The following MED27 variants were observed in gnomAD, a reference collection of about 807,000 sequenced individuals.
MED27 encodes the protein mediator of RNA polymerase II transcription subunit 27.
Under a neutral mutation model 38.2 loss-of-function variants are expected in MED27, and 30 were observed. That is an observed-to-expected ratio of 0.79 (90% CI 0.59 to 1.07). The LOEUF (loss-of-function observed/expected upper bound fraction) is 1.07. MED27 is among the 50% of genes least tolerant of loss of function. The pLI, the probability that MED27 is intolerant of heterozygous loss-of-function variation, is 0.00. For missense variants in MED27, 289 were observed against 397.5 expected, an observed-to-expected ratio of 0.73 and a Z score of 2.32; for synonymous variants, 122 against 153.5, an observed-to-expected ratio of 0.79 and a Z score of 1.52.
intron 4 of MED27, among the ~76,000 whole-genome samples, chr9:131,926,059 TCCC>T (rs1179223985): frequency 6.6e-6 from 1 of 152,216 alleles, no homozygotes; most frequent in Non-Finnish European, 1.5e-5. Context: ...TGTCAACTTC[TCCC>T]TTTCTTCCCC....
intron 2 of MED27, among the ~76,000 whole-genome samples, chr9:132,026,472 G>A (rs553639002): frequency 8.2e-4 from 125 of 152,266 alleles, no homozygotes; most frequent in Admixed American, 1.8e-3. Flanking sequence ...GGGTTTTTGT[G>A]TATCTACCTT....
At chr9:131,933,158 T>C (rs1232675155) in intron 4 of MED27, among the ~76,000 whole-genome samples, 1 of 152,172 alleles carries the variant, frequency 6.6e-6, no homozygotes, top group African/African-American at 2.4e-5. Flanking sequence ...ACAGTTAGCA[T>C]CATACTGAAT....
At chr9:131,985,527 A>G (rs1564312554) in intron 3 of MED27, among the ~76,000 whole-genome samples, 1 of 152,232 alleles carries the variant, frequency 6.6e-6, no homozygotes, top group African/African-American at 2.4e-5. Flanking sequence ...GTAAAGTCAC[A>G]GCACAACACA....
At chr9:131,951,091 A>G (rs1830986522) in intron 3 of MED27, among the ~76,000 whole-genome samples, 1 of 152,128 alleles carries the variant, frequency 6.6e-6, no homozygotes, top group Non-Finnish European at 1.5e-5. Flanking sequence ...ACAAAAACAG[A>G]CCTTCCTGGG....
intron 6 of MED27, among the ~76,000 whole-genome samples, chr9:131,878,720 A>C (rs1838981925): frequency 6.6e-6 from 1 of 152,230 alleles, no homozygotes; most frequent in Non-Finnish European, 1.5e-5. Flanking sequence ...GGGGTTAAAG[A>C]ACAAAACAGT....
intron 3 of MED27, among the ~76,000 whole-genome samples, chr9:131,989,433 T>C (rs900643354): frequency 1.3e-5 from 2 of 152,342 alleles, no homozygotes; most frequent in Non-Finnish European, 2.9e-5. Context: ...CTGTGGCTGC[T>C]GGACAGGGTC....
At chr9:131,927,229 C>T (rs936990139) in intron 4 of MED27, among the ~76,000 whole-genome samples, 1 of 152,140 alleles carries the variant, frequency 6.6e-6, no homozygotes, top group Non-Finnish European at 1.5e-5. Context: ...GCAGACAGCA[C>T]CACAATGTAT....
At chr9:131,974,572 C>G (rs1319526914) in intron 3 of MED27, among the ~76,000 whole-genome samples, 1 of 152,206 alleles carries the variant, frequency 6.6e-6, no homozygotes, top group Non-Finnish European at 1.5e-5. Context: ...TAAGGAAACT[C>G]AGGCCCGGAG....
intron 5 of MED27, 104 bp downstream of exon 5, chr9:131,893,781 T>C: frequency 2.6e-6 from 2 of 767,328 alleles, no homozygotes; most frequent in Non-Finnish European, 4.5e-6. Flanking sequence ...TGCTGATCAT[T>C]TCCGCTATGA....
At chr9:132,002,189 C>G (rs1434963685) in intron 3 of MED27, among the ~76,000 whole-genome samples, 3 of 152,180 alleles carry the variant, frequency 2.0e-5, no homozygotes, top group African/African-American at 7.2e-5. Context: ...ACCTTTAGTA[C>G]CCATCCCCCT....
rs926891542 is a variant in MED27 at position 132,029,654 on chromosome 9, C to A, written c.349-15187G>T. ...TTATGATATTTAATAAGAAGGGCCT[C>A]GGTGAAGCAAGGTTACAAAATAGGG... On this transcript the variant is annotated intron_variant, in intron 2 of 7. Transcript: ENST00000292035. Among the ~76,000 whole-genome samples the A allele has an allele frequency of 3.3e-5, 5 of 151,898 alleles. No homozygotes were observed. In the East Asian group the frequency reaches 9.6e-4, roughly 29 times the overall value.
intron 2 of MED27, among the ~76,000 whole-genome samples, chr9:132,067,866 T>C (rs1333765071): frequency 2.0e-5 from 3 of 152,158 alleles, no homozygotes; most frequent in African/African-American, 7.2e-5. Flanking sequence ...CACCCGCCAC[T>C]ATGCTTGGCT....
At chr9:131,919,932 C>T (rs1368773566) in intron 4 of MED27, among the ~76,000 whole-genome samples, 1 of 151,830 alleles carries the variant, frequency 6.6e-6, no homozygotes, top group Non-Finnish European at 1.5e-5. Context: ...TCTTAGCCTC[C>T]CGAGTAGCTG....
chr9:131,957,148 C>T (rs760935341), intron 3 of MED27, among the ~76,000 whole-genome samples: 50 of 152,190 alleles, frequency 3.3e-4, no homozygotes, highest in Non-Finnish European at 2.5e-4. Flanking sequence ...GGTAAATATA[C>T]ACATACAACA....
chr9:132,078,743 C>T (rs1834110697), intron 1 of MED27, among the ~76,000 whole-genome samples: 1 of 152,190 alleles, frequency 6.6e-6, no homozygotes, highest in Non-Finnish European at 1.5e-5. Flanking sequence ...TTCCCCTACT[C>T]AGGTCAGTTC....
intron 2 of MED27, among the ~76,000 whole-genome samples, chr9:132,035,721 T>C (rs1833060002): frequency 6.6e-6 from 1 of 152,154 alleles, no homozygotes; most frequent in Admixed American, 6.5e-5. Context: ...CCGGCACTTT[T>C]GGAGGCCAAG....
intron 6 of MED27, among the ~76,000 whole-genome samples, chr9:131,880,468 G>A (rs1412112298): frequency 6.6e-6 from 1 of 152,088 alleles, no homozygotes; most frequent in Non-Finnish European, 1.5e-5. Flanking sequence ...CTTTAATCTG[G>A]TACAGGTCAA....
chr9:131,985,050 T>A (rs537903429), intron 3 of MED27, among the ~76,000 whole-genome samples: 77 of 152,336 alleles, frequency 5.1e-4, no homozygotes, highest in African/African-American at 1.6e-3. Context: ...AGTAGATATT[T>A]ATCTCATTGG....
chr9:131,864,676 G>T (rs908040346), intron 6 of MED27, among the ~76,000 whole-genome samples: 1 of 152,254 alleles, frequency 6.6e-6, no homozygotes. Flanking sequence ...CAGGGTCCGC[G>T]CCCCGCACGG....
Sources: allele counts gnomAD v4.1 joint callset (sites outside exome capture counted in the v4.1 genomes callset), GRCh38; gene constraint gnomAD v4.1.1; transcripts MANE v1.5; gene names NCBI Gene and HGNC (gene_info 2026-07-23, HGNC 2026-07-21).